Variants in GCDH observed in about 807,000 individuals in gnomAD.
GCDH encodes glutaryl-CoA dehydrogenase.
GCDH carries 31 observed loss-of-function variants against 52.8 expected under a neutral mutation model. The ratio of observed to expected loss-of-function variants is 0.59; its 90% CI spans 0.44 to 0.79. GCDH has a LOEUF of 0.79. Among genes scored for constraint, GCDH ranks in the 30% least tolerant of loss-of-function variants. The pLI is 0.00. For synonymous variants in GCDH, 242 were observed against 250.0 expected, an observed-to-expected ratio of 0.97 and a Z score of 0.30; for missense variants, 509 against 595.0, an observed-to-expected ratio of 0.86 and a Z score of 1.50.
At chr19:12,894,913 CA>C (rs35759366) in intron 6 of GCDH, 8,607 of 174,958 alleles carry the variant, frequency 0.049, 14 homozygotes, top group East Asian at 0.078. Flanking sequence ...ATCAGATTCG[CA>C]AAAAAAAAAA....
At chr19:12,892,938 TA>T in intron 5 of GCDH, among the ~76,000 whole-genome samples, 1 of 151,298 alleles carries the variant, frequency 6.6e-6, no homozygotes, top group South Asian at 2.1e-4. Flanking sequence ...ATTACTGGAT[TA>T]CAGTGGTGCG....
intron 5 of GCDH, among the ~76,000 whole-genome samples, chr19:12,893,274 C>A (rs570377216): frequency 1.4e-4 from 22 of 152,310 alleles, no homozygotes; most frequent in Admixed American, 1.4e-3. Flanking sequence ...AAGCCCCCTT[C>A]TTTCCCTAAG....
In GCDH at chr19:12,899,892, C is replaced by T. The variant is rs1219019475; in HGVS notation, c.*351C>T. ...TGAGTTCACAGTGCGCCCTCCCTCC[C>T]TCCCATCTGGGGGTAGTGCCTTATG... On this transcript the variant is annotated 3_prime_UTR_variant, in exon 12 of 12. Transcript: ENST00000222214. 3 of 1,599,264 alleles carry T rather than the reference C, an allele frequency of 1.9e-6. No individual in the cohort carries two copies. In the African/African-American group the frequency reaches 4.0e-5, roughly 21 times the overall value.
intron 11 of GCDH, chr19:12,898,942 C>G: frequency 3.9e-6 from 1 of 253,728 alleles, no homozygotes; most frequent in Non-Finnish European, 7.7e-6. Flanking sequence ...TTCAGATGGG[C>G]AGAGGTCAGC....
At chr19:12,894,583 A>C (rs756445576) in intron 6 of GCDH, 64 of 664,594 alleles carry the variant, frequency 9.6e-5, no homozygotes, top group Non-Finnish European at 1.6e-4. Flanking sequence ...TCTCTAAAGA[A>C]AATGATGTCT....
In GCDH at chr19:12,896,899, C is replaced by A; in HGVS notation, c.853-11C>A. ...CTTGGGTGGGCCTGAGGCGCCATCT[C>A]AACCCTACAGGGTCCCTTCGGCTGC... On this transcript the variant is annotated splice_polypyrimidine_tract_variant and intron_variant, in intron 8 of 11. Transcript: ENST00000222214. The surrounding 1 kb of genome is among the most constrained non-coding windows in gnomAD (Gnocchi z 5.5). The A allele has an allele frequency of 6.2e-7, 1 of 1,606,676 alleles. No individual in the cohort carries two copies. Among genetic ancestry groups the A allele is most frequent in the Non-Finnish European group, 8.5e-7 (1 of 1,174,062 alleles).
chr19:12,897,184 G>T (rs1970701663), intron 9 of GCDH, 119 bp from the exon 10 acceptor site: 6 of 1,372,222 alleles, frequency 4.4e-6, no homozygotes, highest in Admixed American at 1.9e-5. Context: ...GCAGGGCCAG[G>T]GCAAGCTTGG....
chr19:12,896,284 G>C lies in GCDH; in HGVS notation c.715G>C (p.Glu239Gln). Residue 239 changes from glutamate (E) to glutamine (Q), a missense_variant, in exon 8 of 12, where the codon GAG becomes CAG. Transcript: ENST00000222214. This position sits in a 1 kb window ranked among gnomAD's most constrained non-coding sequence, Gnocchi z 5.5. ...EDGCIRGFLL[E>Q]KGMRGLSAPR... Reference sequence around the variant, plus strand: ...TGGCTGCATTCGGGGCTTCCTGCTGGAGAAGGGGATGCGGGGTCTCTCGGC... The same window carrying C: ...TGGCTGCATTCGGGGCTTCCTGCTGCAGAAGGGGATGCGGGGTCTCTCGGC... The C allele has an allele frequency of 6.2e-7, 1 of 1,614,170 alleles. No individual in the cohort carries two copies. Among genetic ancestry groups the C allele is most frequent in the Non-Finnish European group, 8.5e-7 (1 of 1,180,024 alleles).
intron 11 of GCDH, 135 bp from the exon 12 acceptor site, chr19:12,899,333 G>C (rs200750801): frequency 6.2e-7 from 1 of 1,613,200 alleles, no homozygotes; most frequent in Admixed American, 1.7e-5. Flanking sequence ...TGAGTCTCCC[G>C]GCAGCTGTCA....
Position 12,896,765 on chromosome 19 carries a change from C to G in GCDH, c.853-145C>G, listed in dbSNP as rs1970690623. The G allele has an allele frequency of 1.4e-6, 1 of 702,760 alleles. No homozygotes were observed. The highest frequency in any genetic ancestry group is 2.6e-6 in the Non-Finnish European group (1 of 387,810). The allele number at this position is 702,760 out of a possible 1,614,324, so 43.5% of individuals were successfully genotyped here. A position where few individuals can be genotyped will look rare whatever the true frequency, so the allele number is the denominator to read the frequency against. On this transcript the variant is annotated intron_variant, in intron 8 of 11. Transcript: ENST00000222214. This position sits in a 1 kb window ranked among gnomAD's most constrained non-coding sequence, Gnocchi z 5.5. ...GTGAGCAGGCACCGAGCTTCAGTGC[C>G]AGGGCCATCTGTGATGTGAACCACA...
intron 6 of GCDH, chr19:12,894,473 TA>T (rs35075245): frequency 8.9e-5 from 64 of 719,064 alleles, no homozygotes; most frequent in East Asian, 1.8e-4. Flanking sequence ...TTGGTTATTG[TA>T]AAAAAAAGGA....
rs149498865 is a variant in GCDH at position 12,893,085 on chromosome 19, C to G, written c.335-398C>G. On this transcript the variant is annotated intron_variant, in intron 5 of 11. Coordinates refer to ENST00000222214, the MANE Select transcript of GCDH (RefSeq NM_000159.4). The stretch of plus-strand genomic sequence containing the variant: ...ATTTTTTAGTAGAAATGGGATTTCA[C>G]CATGTTGGCCAGGCTGGTCTTGAAC... Among the ~76,000 whole-genome samples the G allele has an allele frequency of 7.6e-3, 1,157 of 152,026 alleles. 15 individuals carry two copies. The highest frequency in any genetic ancestry group is 0.026 in the African/African-American group (1,089 of 41,446).
intron 9 of GCDH, 109 bp downstream of exon 9, chr19:12,897,122 G>C: frequency 8.4e-7 from 1 of 1,190,742 alleles, no homozygotes; most frequent in Non-Finnish European, 1.2e-6. Flanking sequence ...TGAGTTCCTT[G>C]CTCTGGAATG....
Position 12,892,125 on chromosome 19 carries a change from G to A in GCDH, c.281G>A (p.Arg94Gln), listed in dbSNP as rs566417795. The A allele has an allele frequency of 6.0e-5, 97 of 1,614,144 alleles. No individual in the cohort carries two copies. The South Asian group carries it at 1.0e-3, about 17-fold the overall frequency. Residue 94 changes from arginine (R) to glutamine (Q), a missense_variant, in exon 5 of 12, where the codon CGG becomes CAG. Coordinates refer to ENST00000222214, the MANE Select transcript of GCDH (RefSeq NM_000159.4). ...ACTGGTCCCTTTGCAGTTTTTCATCGGGAGATCATTTCGGAGATGGGGGAG... is the reference window on the plus strand; with the variant it reads ...ACTGGTCCCTTTGCAGTTTTTCATCAGGAGATCATTTCGGAGATGGGGGAG... ...LLANRNEVFH[R>Q]EIISEMGELG...
At position 12,892,909 on chromosome 19, in the gene GCDH, G is replaced by A. The variant is rs1378911661; in HGVS notation, c.335-574G>A. Among the ~76,000 whole-genome samples, 6 of 139,904 alleles carry A rather than the reference G, an allele frequency of 4.3e-5. No homozygotes were observed. The East Asian group carries it at 6.1e-4, about 14-fold the overall frequency. The allele number at this position is 139,904 out of a possible 152,430, so 91.8% of individuals were successfully genotyped here. A position where few individuals can be genotyped will look rare whatever the true frequency, so the allele number is the denominator to read the frequency against. ...TTTTTTTTTTTTGAGATGGAGTTTC[G>A]CTCTGTCACCCAGCCTGGATTACTG... On this transcript the variant is annotated intron_variant, in intron 5 of 11. Transcript: ENST00000222214.
chr19:12,895,391 C>T (rs1455775805), intron 6 of GCDH, among the ~76,000 whole-genome samples: 1 of 152,024 alleles, frequency 6.6e-6, no homozygotes, highest in Non-Finnish European at 1.5e-5. Context: ...TCCCAATTAG[C>T]TGGGATTGCA....
chr19:12,899,522 C>A lies in GCDH; in HGVS notation c.1298C>A (p.Ala433Glu), dbSNP rs933624223. ...GGGAGAGCTATCACGGGAATCCAGGCGTTCACGGCCAGCAAGTGAGCCGCT... is the reference window on the plus strand; with the variant it reads ...GGGAGAGCTATCACGGGAATCCAGGAGTTCACGGCCAGCAAGTGAGCCGCT... ...ILGRAITGIQAFTASK is the reference protein window; with the variant it reads ...ILGRAITGIQEFTASK Residue 433 changes from alanine (A) to glutamate (E), a missense_variant, in exon 12 of 12, where the codon GCG becomes GAG. Coordinates refer to ENST00000222214, the MANE Select transcript of GCDH (RefSeq NM_000159.4). 3 of 1,614,136 alleles carry A rather than the reference C, an allele frequency of 1.9e-6. No homozygotes were observed. Among genetic ancestry groups the A allele is most frequent in the Non-Finnish European group, 2.5e-6 (3 of 1,179,990 alleles).
chr19:12,893,879 C>G (rs1001746097), intron 6 of GCDH: 2 of 615,906 alleles, frequency 3.2e-6, no homozygotes, highest in Non-Finnish European at 5.8e-6. Context: ...TCTGTGTTCC[C>G]CAGTCCAGCC....
intron 10 of GCDH, 53 bp from the exon 11 acceptor site, chr19:12,897,650 G>C: frequency 6.2e-7 from 1 of 1,605,450 alleles, no homozygotes; most frequent in Non-Finnish European, 8.5e-7. Flanking sequence ...TTTGCTTGGA[G>C]CATCGGGATG....
Sources: allele counts gnomAD v4.1 joint callset (sites outside exome capture counted in the v4.1 genomes callset), GRCh38; gene constraint gnomAD v4.1.1; non-coding constraint Gnocchi (gnomAD v3.1); transcripts MANE v1.5; gene names NCBI Gene and HGNC (gene_info 2026-07-23, HGNC 2026-07-21).